The following SLC7A1 variants were observed in gnomAD, a reference collection of about 807,000 sequenced individuals.
SLC7A1 encodes the protein high affinity cationic amino acid transporter 1.
SLC7A1 carries 10 observed loss-of-function variants against 53.9 expected under a neutral mutation model. The observed-to-expected ratio is 0.19, with a 90% confidence interval of 0.11 to 0.31. SLC7A1 has a LOEUF of 0.31. Ranked by LOEUF, SLC7A1 falls within the 10% of genes least tolerant of loss-of-function variation. The pLI is 1.00. For synonymous variants in SLC7A1, 342 were observed against 338.7 expected (o/e 1.01, Z -0.11); for missense variants, 525 against 827.2 (o/e 0.63, Z 4.48).
rs1323561644 is a variant in SLC7A1 at position 29,513,764 on chromosome 13, T to C, written c.*716A>G. ...TGGTTTACATGCATGTGCACACACA[T>C]GCATAAGCAAAGCAGGCCCTAATGG... On this transcript the variant is annotated 3_prime_UTR_variant, in exon 13 of 13. Coordinates refer to ENST00000380752, the MANE Select transcript of SLC7A1 (RefSeq NM_003045.5). The C allele has an allele frequency of 1.3e-5, 2 of 152,466 alleles. No homozygotes were observed. Among genetic ancestry groups the C allele is most frequent in the African/African-American group, 2.4e-5 (1 of 41,458 alleles). 9.4% of individuals were successfully genotyped at this position (152,466 alleles called of 1,614,324 possible). A position where few individuals can be genotyped will look rare whatever the true frequency, so the allele number is the denominator to read the frequency against.
chr13:29,550,510 AC>A (rs557264030), intron 2 of SLC7A1, among the ~76,000 whole-genome samples: 10 of 152,366 alleles, frequency 6.6e-5, no homozygotes, highest in Admixed American at 5.2e-4. Context: ...GTGACAACCA[AC>A]TGCAGATGGC....
At position 29,536,201 on chromosome 13, in the gene SLC7A1, A is replaced by G; in HGVS notation, c.-13T>C. ...CTTTGCACCCCATGTTGCTGTTCAG[A>G]GCTGTTGAAAAAGAACAAAGATGTT... On this transcript the variant is annotated splice_region_variant and 5_prime_UTR_variant, in exon 3 of 13. Transcript: ENST00000380752. 1.2e-6 allele frequency: 2 copies of G among 1,601,820 alleles called. No individual in the cohort carries two copies. The highest frequency in any genetic ancestry group is 1.7e-6 in the Non-Finnish European group (2 of 1,171,352).
At position 29,523,257 on chromosome 13, in the gene SLC7A1, G is replaced by C. The variant is rs764295603; in HGVS notation, c.1049+9C>G. The C allele has an allele frequency of 1.9e-6, 3 of 1,610,078 alleles. No individual in the cohort carries two copies. The highest frequency in any genetic ancestry group is 2.5e-6 in the Non-Finnish European group (3 of 1,177,990). ...CCCTAGGAGCAGCCACCACAGAAAGGCCTCTCACCTGGCGGAAAGAGCGCA... is the reference window on the plus strand; with the variant it reads ...CCCTAGGAGCAGCCACCACAGAAAGCCCTCTCACCTGGCGGAAAGAGCGCA... On this transcript the variant is annotated intron_variant, in intron 7 of 12. Transcript: ENST00000380752.
Position 29,535,991 on chromosome 13 carries a change from A to G in SLC7A1, c.198T>C (p.Ile66=), listed in dbSNP as rs1159023987. The G allele has an allele frequency of 6.2e-7, 1 of 1,614,126 alleles. No individual in the cohort carries two copies. The highest frequency in any genetic ancestry group is 8.5e-7 in the Non-Finnish European group (1 of 1,180,032). ...AVARENAGPA[I]VISFLIAALA... is the part of the protein sequence containing the mutation. The stretch of plus-strand genomic sequence containing the variant: ...GCGCAGCGATCAGGAAGGAGATGAC[A>G]ATGGCAGGGCCTGCATTCTCACGGG... The change falls in exon 3 of 13, where the codon ATT becomes ATC. Residue 66 remains isoleucine, a synonymous_variant. Transcript: ENST00000380752.
At chr13:29,576,049 A>C (rs1197163304) in intron 1 of SLC7A1, among the ~76,000 whole-genome samples, 1 of 151,464 alleles carries the variant, frequency 6.6e-6, no homozygotes, top group Non-Finnish European at 1.5e-5. Context: ...GCACTCTCGG[A>C]GGCTGAAATA....
intron 3 of SLC7A1, among the ~76,000 whole-genome samples, 172 bp from the exon 4 acceptor site, chr13:29,533,154 T>G (rs1869251708): frequency 6.6e-6 from 1 of 152,272 alleles, no homozygotes; most frequent in East Asian, 1.9e-4. Flanking sequence ...GGTCGACTAG[T>G]GCTAAGTGCG....
At chr13:29,538,836 C>T (rs553711785) in intron 2 of SLC7A1, among the ~76,000 whole-genome samples, 1 of 152,272 alleles carries the variant, frequency 6.6e-6, no homozygotes, top group African/African-American at 2.4e-5. Flanking sequence ...CTCAATATCC[C>T]TTTTGGCAGG....
intron 1 of SLC7A1, among the ~76,000 whole-genome samples, chr13:29,554,212 C>T (rs574320836): frequency 3.9e-5 from 6 of 152,292 alleles, no homozygotes; most frequent in African/African-American, 1.2e-4. Flanking sequence ...TCTGAGGCCC[C>T]GGTCAGGCGC....
At chr13:29,576,308 G>T (rs55820736) in intron 1 of SLC7A1, among the ~76,000 whole-genome samples, 1 of 50,878 alleles carries the variant, frequency 2.0e-5, no homozygotes, top group East Asian at 6.9e-4. Flanking sequence ...AAAAAAAAAA[G>T]GAAAGAAAAC....
At chr13:29,559,871 G>A (rs191477116) in intron 1 of SLC7A1, among the ~76,000 whole-genome samples, 2,617 of 151,870 alleles carry the variant, frequency 0.017, 70 homozygotes, top group African/African-American at 0.059. Context: ...GCCCGCCACC[G>A]CGCCCGGATA....
chr13:29,521,936 G>A (rs920364000), intron 8 of SLC7A1, among the ~76,000 whole-genome samples: 6 of 152,156 alleles, frequency 3.9e-5, no homozygotes, highest in African/African-American at 9.7e-5. Flanking sequence ...AGAAATGGAC[G>A]CCGAATTTCC....
At chr13:29,519,679 C>G (rs1190192919) in intron 8 of SLC7A1, 130 bp from the exon 9 acceptor site, 2 of 575,472 alleles carry the variant, frequency 3.5e-6, no homozygotes, top group East Asian at 3.0e-5. Context: ...CCCTGGCCTT[C>G]CCATGGAAAG....
chr13:29,533,021 A>C (rs1869244740), intron 3 of SLC7A1, 39 bp from the exon 4 acceptor site: 1 of 1,574,224 alleles, frequency 6.4e-7, no homozygotes, highest in Middle Eastern at 1.7e-4. Flanking sequence ...ATGTGAGGAC[A>C]ACTGTTAGCC....
At chr13:29,576,754 A>G (rs1871431740) in intron 1 of SLC7A1, among the ~76,000 whole-genome samples, 1 of 152,136 alleles carries the variant, frequency 6.6e-6, no homozygotes, top group Non-Finnish European at 1.5e-5. Context: ...TCTGCTGCCC[A>G]ACTGATAAAT....
chr13:29,594,366 CGTGA>C (rs1331853011), intron 1 of SLC7A1, among the ~76,000 whole-genome samples: 3 of 152,200 alleles, frequency 2.0e-5, no homozygotes, highest in Non-Finnish European at 2.9e-5. Context: ...GCGGTGATGA[CGTGA>C]GTATTGGGAA....
In SLC7A1 at chr13:29,510,132, C is replaced by T. The variant is rs886295444; in HGVS notation, c.*4348G>A. 1 of 152,690 alleles carries T rather than the reference C, an allele frequency of 6.5e-6. No individual in the cohort carries two copies. The allele number at this position is 152,690 out of a possible 1,614,324, so 9.5% of individuals were successfully genotyped here. A position where few individuals can be genotyped will look rare whatever the true frequency, so the allele number is the denominator to read the frequency against. Reference sequence around the variant, plus strand: ...AAGCTTGGCCAAGGTACTCCATCTCCTGTGGGGTTTTCAGCTGGCACTCAG... The same window carrying T: ...AAGCTTGGCCAAGGTACTCCATCTCTTGTGGGGTTTTCAGCTGGCACTCAG... On this transcript the variant is annotated 3_prime_UTR_variant, in exon 13 of 13. Coordinates refer to ENST00000380752, the MANE Select transcript of SLC7A1 (RefSeq NM_003045.5).
At position 29,517,215 on chromosome 13, in the gene SLC7A1, C is replaced by T; in HGVS notation, c.1606G>A (p.Ala536Thr). 2 of 1,613,262 alleles carry T rather than the reference C, an allele frequency of 1.2e-6. No individual in the cohort carries two copies. The highest frequency in any genetic ancestry group is 1.7e-6 in the Non-Finnish European group (2 of 1,179,678). Residue 536 changes from alanine to threonine, a missense_variant, in exon 11 of 13, where the codon GCC (alanine) becomes ACC (threonine). By Grantham distance (58) the Ala-to-Thr change is moderately conservative (BLOSUM62 0). This residue lies in a region of SLC7A1 where 122 missense variants were observed against 140.9 expected (regional missense o/e 0.87). Coordinates refer to ENST00000380752, the MANE Select transcript of SLC7A1 (RefSeq NM_003045.5). ...LWAVFLLAGSALLCAVVTGVI... is the reference protein window; with the variant it reads ...LWAVFLLAGSTLLCAVVTGVI... ...CCCGTGACCACGGCACAGAGGAGGGCAGACCCTGCGAGCAGAAAGACTGCC... is the reference window on the plus strand; with the variant it reads ...CCCGTGACCACGGCACAGAGGAGGGTAGACCCTGCGAGCAGAAAGACTGCC...
At chr13:29,516,104 G>A in intron 12 of SLC7A1, 34 bp downstream of exon 12, 2 of 1,388,174 alleles carry the variant, frequency 1.4e-6, no homozygotes, top group Non-Finnish European at 2.0e-6. Flanking sequence ...GGGGAAGCCA[G>A]GATCTTGGAC....
chr13:29,524,605 C>A (rs1314728481), intron 5 of SLC7A1, among the ~76,000 whole-genome samples: 1 of 152,216 alleles, frequency 6.6e-6, no homozygotes, highest in Non-Finnish European at 1.5e-5. Flanking sequence ...CTCCCCAGGG[C>A]CCCTCGGAGG....
Sources: allele counts gnomAD v4.1 joint callset (sites outside exome capture counted in the v4.1 genomes callset), GRCh38; gene constraint gnomAD v4.1.1; regional missense constraint gnomAD v4.1.1; transcripts MANE v1.5; gene names NCBI Gene and HGNC (gene_info 2026-07-23, HGNC 2026-07-21).